Variants in PAM observed in about 807,000 individuals in gnomAD.
PAM encodes peptidyl-glycine alpha-amidating monooxygenase.
PAM carries 72 observed loss-of-function variants against 122.1 expected under a neutral mutation model. The ratio of observed to expected loss-of-function variants is 0.59; its 90% CI spans 0.49 to 0.72. The LOEUF (loss-of-function observed/expected upper bound fraction) is 0.72. PAM is among the 30% of genes least tolerant of loss of function. PAM has a pLI of 0.00. For synonymous variants in PAM, 389 were observed against 404.4 expected (o/e 0.96, Z 0.46); for missense variants, 1,106 against 1,183.7 (o/e 0.93, Z 0.96).
chr5:102,767,933 G>T (rs1032202659), intron 1 of PAM, among the ~76,000 whole-genome samples: 4 of 152,090 alleles, frequency 2.6e-5, no homozygotes, highest in African/African-American at 9.7e-5. Flanking sequence ...TGTAAGTGCT[G>T]GGACCAGGAT....
chr5:102,906,607 T>C (rs1223840194), intron 4 of PAM, among the ~76,000 whole-genome samples: 1 of 151,766 alleles, frequency 6.6e-6, no homozygotes, highest in Non-Finnish European at 1.5e-5. Context: ...ATTACTTCAC[T>C]TCTCTTTCCT....
intron 1 of PAM, among the ~76,000 whole-genome samples, chr5:102,851,106 A>G (rs997631962): frequency 6.6e-6 from 1 of 152,190 alleles, no homozygotes. Flanking sequence ...TGCACGATTC[A>G]TTTAGAAAAT....
At chr5:102,795,216 G>C (rs2671559) in intron 1 of PAM, among the ~76,000 whole-genome samples, 34,855 of 122,616 alleles carry the variant, frequency 0.28, 5,509 homozygotes, top group Non-Finnish European at 0.38. Flanking sequence ...AAAAAAAGAA[G>C]AGAAGAAAAA....
At chr5:102,935,254 T>C (rs911939601) in intron 7 of PAM, among the ~76,000 whole-genome samples, 3 of 151,920 alleles carry the variant, frequency 2.0e-5, no homozygotes, top group Admixed American at 2.0e-4. Context: ...CAGATATGTG[T>C]ATATGTACTT....
At chr5:102,775,378 G>A (rs562443331) in intron 1 of PAM, among the ~76,000 whole-genome samples, 15 of 143,688 alleles carry the variant, frequency 1.0e-4, no homozygotes, top group South Asian at 4.5e-4. Context: ...TGTGCAGGAC[G>A]TGCAGGTTTG....
intron 3 of PAM, among the ~76,000 whole-genome samples, chr5:102,877,396 TAGTC>T (rs1238809482): frequency 6.6e-6 from 1 of 152,338 alleles, no homozygotes; most frequent in East Asian, 1.9e-4. Flanking sequence ...AACAATATTT[TAGTC>T]AGGACTGCAA....
At position 103,025,195 on chromosome 5, in the gene PAM, G is replaced by A; in HGVS notation, c.2550G>A (p.Met850Ile). Residue 850 changes from methionine to isoleucine, a missense_variant, in exon 24 of 26, where the codon ATG becomes ATA. Physicochemically the swap from Met to Ile is conservative, Grantham distance 10. Transcript: ENST00000438793. Reference sequence around the variant, plus strand: ...CCACCTCCTCAGAATTGCAGAAGATGCAAGAGAAACAGAAACTGATCAAAG... The same window carrying A: ...CCACCTCCTCAGAATTGCAGAAGATACAAGAGAAACAGAAACTGATCAAAG... ...NKPTSSELQK[M>I]QEKQKLIKEP... 1 of 1,613,754 alleles carries A rather than the reference G, an allele frequency of 6.2e-7. No individual in the cohort carries two copies.
rs767210261 is a variant in PAM, at chr5:102,949,516, CTG to C, written c.644-17_644-16del. On this transcript the variant is annotated intron_variant, in intron 9 of 25. Transcript: ENST00000438793. Reference sequence around the variant, plus strand: ...TTTCCAGTTGAATAGTGACTTTTGTCTGTGTTTTCATTTCCCACAGTGGTGAA... The same window carrying C: ...TTTCCAGTTGAATAGTGACTTTTGTCTGTTTTCATTTCCCACAGTGGTGAA... The C allele has an allele frequency of 6.7e-6, 8 of 1,199,260 alleles. No individual in the cohort carries two copies. In the African/African-American group the frequency reaches 8.9e-5, roughly 13 times the overall value. 74.3% of individuals were successfully genotyped at this position (1,199,260 alleles called of 1,614,324 possible).
intron 1 of PAM, among the ~76,000 whole-genome samples, chr5:102,841,701 CAA>C (rs1184255635): frequency 4.3e-4 from 65 of 152,192 alleles, no homozygotes; most frequent in African/African-American, 1.4e-3. Context: ...TTGTCATAAT[CAA>C]AATCTCACTA....
intron 3 of PAM, 25 bp from the exon 4 acceptor site, chr5:102,901,331 G>C (rs764980459): frequency 1.4e-6 from 2 of 1,419,308 alleles, no homozygotes; most frequent in African/African-American, 1.4e-5. Flanking sequence ...GTTTAATTTG[G>C]ATTTTTTAAT....
intron 5 of PAM, among the ~76,000 whole-genome samples, chr5:102,922,424 G>T (rs1747753516): frequency 6.6e-6 from 1 of 152,150 alleles, no homozygotes; most frequent in East Asian, 1.9e-4. Flanking sequence ...AAATAAGGAA[G>T]ATTGGAAACT....
intron 1 of PAM, among the ~76,000 whole-genome samples, chr5:102,830,072 T>G (rs1187037416): frequency 6.6e-6 from 1 of 152,208 alleles, no homozygotes; most frequent in Non-Finnish European, 1.5e-5. Context: ...TATTTCTGCC[T>G]GTACTGGGGC....
chr5:102,978,009 T>C (rs1768321496), intron 15 of PAM, among the ~76,000 whole-genome samples: 1 of 152,190 alleles, frequency 6.6e-6, no homozygotes, highest in African/African-American at 2.4e-5. Context: ...CATTTGAAAA[T>C]GTTATAGTAC....
chr5:102,890,328 A>T (rs1561780298), intron 3 of PAM, among the ~76,000 whole-genome samples: 1 of 151,890 alleles, frequency 6.6e-6, no homozygotes. Flanking sequence ...ATAATCCATT[A>T]TAAAGTCTTT....
chr5:102,895,659 G>A (rs371036860), intron 3 of PAM, among the ~76,000 whole-genome samples: 73 of 151,842 alleles, frequency 4.8e-4, no homozygotes, highest in African/African-American at 1.8e-3. Context: ...AACTTTGGCA[G>A]TAAGATAGTG....
At chr5:103,023,519 A>AG (rs1784195484) in intron 23 of PAM, among the ~76,000 whole-genome samples, 1 of 151,592 alleles carries the variant, frequency 6.6e-6, no homozygotes, top group African/African-American at 2.4e-5. Flanking sequence ...AAAAAAAAAA[A>AG]GACAAATGAG....
intron 15 of PAM, among the ~76,000 whole-genome samples, chr5:102,985,342 A>G (rs1291226534): frequency 6.6e-6 from 1 of 152,110 alleles, no homozygotes; most frequent in African/African-American, 2.4e-5. Context: ...AAAAAGAGGG[A>G]AGATTCAAAT....
Position 102,925,004 on chromosome 5 carries a change from C to T in PAM, c.404C>T (p.Ala135Val). 6.3e-7 allele frequency: 1 copy of T among 1,596,546 alleles called. No homozygotes were observed. Among genetic ancestry groups the T allele is most frequent in the Non-Finnish European group, 8.6e-7 (1 of 1,164,002 alleles). ...ACAGATAAAGCCAATATTCTGTATG[C>T]CTGGGCGAGAAATGCTCCCCCTACC... is the stretch of plus-strand genomic sequence containing the variant. The part of the protein sequence containing the change: ...TCTDKANILY[A>V]WARNAPPTRL... Residue 135 changes from alanine (A) to valine (V), a missense_variant, in exon 6 of 26, where the codon GCC becomes GTC. This residue lies in a region of PAM where 670 missense variants were observed against 690.3 expected (regional missense o/e 0.97). Coordinates refer to ENST00000438793, the MANE Select transcript of PAM (RefSeq NM_001177306.2).
chr5:102,800,537 G>T (rs1365101963), intron 1 of PAM, among the ~76,000 whole-genome samples: 1 of 152,158 alleles, frequency 6.6e-6, no homozygotes, highest in Non-Finnish European at 1.5e-5. Context: ...TGAGGCCCAG[G>T]GAGGTTAAGT....
Sources: gnomAD v4.1 joint callset for allele counts (sites outside exome capture counted in the v4.1 genomes callset) on GRCh38, gnomAD v4.1.1 for gene constraint, gnomAD v4.1.1 regional missense constraint, MANE v1.5 for transcripts, NCBI Gene and HGNC (gene_info 2026-07-23, HGNC 2026-07-21) for gene names.